The following DYM variants were observed in gnomAD, a reference collection of about 807,000 sequenced individuals.
The protein encoded by DYM is dymeclin.
A neutral mutation model predicts 93.1 loss-of-function variants in DYM; 78 were observed. The ratio of observed to expected loss-of-function variants is 0.84; its 90% CI spans 0.70 to 1.01. The LOEUF (loss-of-function observed/expected upper bound fraction) is 1.01, where lower values mean the gene tolerates loss of function less well. DYM is among the 50% of genes least tolerant of loss of function. The pLI is 0.00. For synonymous variants in DYM, 321 were observed against 319.7 expected, an observed-to-expected ratio of 1.00 and a Z score of -0.04; for missense variants, 789 against 845.0, an observed-to-expected ratio of 0.93 and a Z score of 0.82.
intron 2 of DYM, among the ~76,000 whole-genome samples, chr18:49,394,120 G>T (rs1296559960): frequency 2.6e-5 from 4 of 152,104 alleles, no homozygotes; most frequent in Admixed American, 1.3e-4. Context: ...CTTTAAAATG[G>T]TTAAAATGAT....
At chr18:49,372,215 T>C (rs544734578) in intron 5 of DYM, among the ~76,000 whole-genome samples, 61 of 152,362 alleles carry the variant, frequency 4.0e-4, no homozygotes, top group Non-Finnish European at 7.5e-4. Context: ...GCTCCATTTT[T>C]CCCCCTTTCA....
rs943638442 is a variant in DYM, at chr18:49,287,876, C to G, written c.764-1260G>C. Among the ~76,000 whole-genome samples the G allele has an allele frequency of 2.1e-4, 31 of 148,674 alleles. 1 individual carries two copies. The South Asian group carries it at 4.0e-3, about 19-fold the overall frequency. On this transcript the variant is annotated intron_variant, in intron 8 of 17. Coordinates refer to ENST00000675505, the MANE Select transcript of DYM (RefSeq NM_001353214.3). Reference sequence around the variant, plus strand: ...AATGCACTGTCCAGTACAGTGGCCACTAGCCACTTGTGGTTACTGAGCATT... The same window carrying G: ...AATGCACTGTCCAGTACAGTGGCCAGTAGCCACTTGTGGTTACTGAGCATT...
chr18:49,312,223 G>A lies in DYM; in HGVS notation c.763+19641C>T, dbSNP rs528332135. ...CCAAATGTCTAGGCAGACAGGGGCA[G>A]GTCCCCAGTGAAACTTCACCTCTAA... is the stretch of plus-strand genomic sequence containing the variant. On this transcript the variant is annotated intron_variant, in intron 8 of 17. Transcript: ENST00000675505. 6.6e-5 allele frequency among the ~76,000 whole-genome samples: 10 copies of A among 152,278 alleles called. No homozygotes were observed. The South Asian group carries it at 2.1e-3, about 32-fold the overall frequency.
At position 49,275,890 on chromosome 18, in the gene DYM, T is replaced by C. The variant is rs140584466; in HGVS notation, c.1126-3587A>G. 2.0e-3 allele frequency among the ~76,000 whole-genome samples: 301 copies of C among 152,302 alleles called. 3 individuals carry two copies. In the East Asian group the frequency reaches 0.031, roughly 16 times the overall value. ...ATTTCTCATATATAAAAATACTATT[T>C]TTTGCATATTGACTTTTTATACTGA... On this transcript the variant is annotated intron_variant, in intron 10 of 17. Transcript: ENST00000675505.
At chr18:49,259,881 A>G (rs924900192) in intron 11 of DYM, among the ~76,000 whole-genome samples, 2 of 152,314 alleles carry the variant, frequency 1.3e-5, no homozygotes, top group Admixed American at 1.3e-4. Flanking sequence ...CATAGTGTTC[A>G]TAATAAAAAC....
rs1344833946 is a variant in DYM at position 49,042,529 on chromosome 18, C to G, written c.*1526G>C. The G allele has an allele frequency of 6.6e-6, 1 of 152,294 alleles. No individual in the cohort carries two copies. The highest frequency in any genetic ancestry group is 2.4e-5 in the African/African-American group (1 of 41,458). 9.4% of individuals were successfully genotyped at this position (152,294 alleles called of 1,614,324 possible). ...AGCTTGGGGTGACTGAGAATGGTTC[C>G]TCCGAGGCCCTCGGAAGATTTGATG... is the stretch of plus-strand genomic sequence containing the variant. On this transcript the variant is annotated 3_prime_UTR_variant, in exon 18 of 18. Coordinates refer to ENST00000675505, the MANE Select transcript of DYM (RefSeq NM_001353214.3).
At chr18:49,197,154 A>G (rs1245468434) in intron 14 of DYM, among the ~76,000 whole-genome samples, 1 of 152,190 alleles carries the variant, frequency 6.6e-6, no homozygotes, top group Non-Finnish European at 1.5e-5. Flanking sequence ...TGATGTTAAC[A>G]GTAAGGCAGC....
intron 17 of DYM, among the ~76,000 whole-genome samples, chr18:49,089,416 A>G (rs1478873149): frequency 2.0e-5 from 3 of 152,230 alleles, no homozygotes; most frequent in Non-Finnish European, 4.4e-5. Flanking sequence ...TACATGTAAA[A>G]TATTTTCTAC....
intron 16 of DYM, among the ~76,000 whole-genome samples, chr18:49,101,387 C>T (rs1226708880): frequency 3.3e-5 from 5 of 152,164 alleles, no homozygotes; most frequent in Admixed American, 3.3e-4. Context: ...TTCCATTATG[C>T]TATTAGCTTT....
chr18:49,396,991 T>C (rs8088197), intron 2 of DYM, among the ~76,000 whole-genome samples: 24,158 of 152,150 alleles, frequency 0.16, 2,687 homozygotes, highest in East Asian at 0.33. Context: ...AATGTTCTAT[T>C]ATACAGTAAG....
At chr18:49,430,883 CAAAA>C (rs11288242) in intron 1 of DYM, among the ~76,000 whole-genome samples, 3 of 129,348 alleles carry the variant, frequency 2.3e-5, no homozygotes, top group Admixed American at 1.5e-4. Flanking sequence ...GACTCCATCT[CAAAA>C]AAAAAAAAAA....
intron 14 of DYM, among the ~76,000 whole-genome samples, chr18:49,192,683 T>A (rs1015460807): frequency 7.2e-5 from 11 of 152,212 alleles, no homozygotes; most frequent in African/African-American, 2.7e-4. Flanking sequence ...TTTTATAGAA[T>A]ACAGTAGTTT....
At chr18:49,181,300 A>C (rs1600398444) in intron 14 of DYM, among the ~76,000 whole-genome samples, 2 of 152,334 alleles carry the variant, frequency 1.3e-5, no homozygotes. Flanking sequence ...AACTATATTT[A>C]TATGCCAATG....
chr18:49,110,374 G>C (rs2081281993), intron 16 of DYM, among the ~76,000 whole-genome samples: 1 of 152,090 alleles, frequency 6.6e-6, no homozygotes, highest in African/African-American at 2.4e-5. Context: ...TCTTCTGTTT[G>C]AATAACTTCC....
chr18:49,160,405 T>C (rs1202533455), intron 15 of DYM, among the ~76,000 whole-genome samples: 1 of 152,202 alleles, frequency 6.6e-6, no homozygotes, highest in Admixed American at 6.5e-5. Context: ...TACAGTATAA[T>C]GAGGATAAAC....
chr18:49,101,521 T>C lies in DYM; in HGVS notation c.1912-4006A>G, dbSNP rs183540403. Reference sequence around the variant, plus strand: ...TTATTATTAATAGATCACAGATTAATAGAAATGAGAAGCTTTTCTGGAGTA... The same window carrying C: ...TTATTATTAATAGATCACAGATTAACAGAAATGAGAAGCTTTTCTGGAGTA... On this transcript the variant is annotated intron_variant, in intron 16 of 17. Coordinates refer to ENST00000675505, the MANE Select transcript of DYM (RefSeq NM_001353214.3). Among the ~76,000 whole-genome samples the C allele has an allele frequency of 8.3e-3, 1,268 of 152,292 alleles. 51 individuals are homozygous for C. Among genetic ancestry groups the C allele is most frequent in the Admixed American group, 0.073 (1,109 of 15,294 alleles).
chr18:49,147,300 T>A (rs1012849712), intron 15 of DYM, among the ~76,000 whole-genome samples: 5 of 151,374 alleles, frequency 3.3e-5, no homozygotes, highest in Non-Finnish European at 5.9e-5. Context: ...GGACTTCATG[T>A]CTAAAACACC....
chr18:49,211,933 C>T (rs2092804798), intron 13 of DYM, among the ~76,000 whole-genome samples: 1 of 152,114 alleles, frequency 6.6e-6, no homozygotes, highest in Non-Finnish European at 1.5e-5. Flanking sequence ...ACTTAAAATA[C>T]AAGAAACATA....
intron 15 of DYM, among the ~76,000 whole-genome samples, chr18:49,141,954 T>C (rs996345776): frequency 2.0e-5 from 3 of 151,790 alleles, no homozygotes; most frequent in Non-Finnish European, 4.4e-5. Flanking sequence ...CCCGGGTTCA[T>C]GCCATTCTCC....
Sources: allele counts gnomAD v4.1 joint callset (sites outside exome capture counted in the v4.1 genomes callset), GRCh38; gene constraint gnomAD v4.1.1; transcripts MANE v1.5; gene names NCBI Gene and HGNC (gene_info 2026-07-23, HGNC 2026-07-21).